The following SMCHD1 variants were observed in gnomAD, a reference collection of about 807,000 sequenced individuals.
SMCHD1 encodes structural maintenance of chromosomes flexible hinge domain containing 1, also known as structural maintenance of chromosomes flexible hinge domain-containing protein 1.
In SMCHD1, 78 loss-of-function variants were observed where a neutral mutation model predicts 254.7. The observed-to-expected ratio is 0.31, with a 90% confidence interval of 0.26 to 0.37. SMCHD1 has a LOEUF of 0.37. SMCHD1 is among the 10% of genes least tolerant of loss of function. The pLI, the probability that SMCHD1 is intolerant of heterozygous loss-of-function variation, is 1.00. For missense variants in SMCHD1, 1,840 were observed against 2,408.1 expected (o/e 0.76, Z 4.94); for synonymous variants, 766 against 794.9 (o/e 0.96, Z 0.61).
chr18:2,677,114 C>T lies in SMCHD1; in HGVS notation c.638+2969C>T, dbSNP rs1415388300. On this transcript the variant is annotated intron_variant, in intron 5 of 47. Transcript: ENST00000320876. ...AACCTGGATCTGAGTGTTTCCTCAG[C>T]ATTGTTTTTTTTCCTTTAGTATTTT... Among the ~76,000 whole-genome samples, 6 of 147,310 alleles carry T rather than the reference C, an allele frequency of 4.1e-5. No homozygotes were observed. The Admixed American group carries it at 4.2e-4, about 10-fold the overall frequency.
rs1308921677 is a variant in SMCHD1 at position 2,718,761 on chromosome 18, T to C, written c.2458+327T>C. 1.3e-5 allele frequency among the ~76,000 whole-genome samples: 2 copies of C among 152,086 alleles called. No individual in the cohort carries two copies. The highest frequency in any genetic ancestry group is 4.8e-5 in the African/African-American group (2 of 41,406). ...AAAGACAAAGTTTCGCCATGTTGAC[T>C]AGGCTGGTCTCGATCTCATAACTTC... is the stretch of plus-strand genomic sequence containing the variant. On this transcript the variant is annotated intron_variant, in intron 19 of 47. Coordinates refer to ENST00000320876, the MANE Select transcript of SMCHD1 (RefSeq NM_015295.3). The surrounding 1 kb of genome is among the most constrained non-coding windows in gnomAD (Gnocchi z 4.6).
At chr18:2,723,275 A>G (rs529654841) in intron 20 of SMCHD1, among the ~76,000 whole-genome samples, 1 of 152,108 alleles carries the variant, frequency 6.6e-6, no homozygotes, top group African/African-American at 2.4e-5. Flanking sequence ...GGGTTTTTTT[A>G]AAAGCTTTCT....
chr18:2,661,725 A>C (rs1246627184), intron 1 of SMCHD1, among the ~76,000 whole-genome samples: 1 of 152,244 alleles, frequency 6.6e-6, no homozygotes, highest in Non-Finnish European at 1.5e-5. Flanking sequence ...TGTTTGAAGA[A>C]GAGAATAAGG....
At chr18:2,769,645 A>G (rs1161915983) in intron 37 of SMCHD1, 49 bp from the exon 38 acceptor site, 1 of 1,542,348 alleles carries the variant, frequency 6.5e-7, no homozygotes, top group African/African-American at 1.4e-5. Flanking sequence ...TATGTTGTAA[A>G]TTTTCTTTTT....
At chr18:2,667,448 C>G (rs1229643489) in intron 3 of SMCHD1, among the ~76,000 whole-genome samples, 1 of 152,192 alleles carries the variant, frequency 6.6e-6, no homozygotes, top group Non-Finnish European at 1.5e-5. Context: ...TCATTTCTTT[C>G]TACCTTTACT....
intron 1 of SMCHD1, among the ~76,000 whole-genome samples, chr18:2,659,888 C>T (rs1372523602): frequency 1.3e-5 from 2 of 151,972 alleles, no homozygotes; most frequent in African/African-American, 4.8e-5. Context: ...GCTAATTAAG[C>T]TGTGTGCTTT....
At chr18:2,797,943 T>G (rs1284261272) in intron 47 of SMCHD1, among the ~76,000 whole-genome samples, 1 of 151,326 alleles carries the variant, frequency 6.6e-6, no homozygotes, top group Non-Finnish European at 1.5e-5. Flanking sequence ...AAATAGGGAA[T>G]GAAAAAATGA....
chr18:2,733,171 A>G (rs987095083), intron 25 of SMCHD1, among the ~76,000 whole-genome samples: 1 of 152,180 alleles, frequency 6.6e-6, no homozygotes, highest in Admixed American at 6.5e-5. Context: ...TGCTTCTTTC[A>G]AAGTTCAGTT....
intron 45 of SMCHD1, among the ~76,000 whole-genome samples, chr18:2,789,071 G>GTGCA (rs1432881654): frequency 6.6e-6 from 1 of 152,164 alleles, no homozygotes; most frequent in African/African-American, 2.4e-5. Context: ...CCAGGCTGGA[G>GTGCA]TGCAGTGGCA....
chr18:2,734,000 G>GT (rs2075197973), intron 25 of SMCHD1, among the ~76,000 whole-genome samples: 1 of 152,222 alleles, frequency 6.6e-6, no homozygotes, highest in East Asian at 1.9e-4. Flanking sequence ...TTCCATACCG[G>GT]TATACACCAT....
At chr18:2,770,838 C>T (rs552319874) in intron 39 of SMCHD1, among the ~76,000 whole-genome samples, 60 of 152,202 alleles carry the variant, frequency 3.9e-4, no homozygotes, top group African/African-American at 1.4e-3. Context: ...CCGGGCTGGT[C>T]TCGAACTTCT....
intron 44 of SMCHD1, among the ~76,000 whole-genome samples, chr18:2,780,068 G>A (rs1028759561): frequency 4.0e-5 from 6 of 151,538 alleles, no homozygotes; most frequent in East Asian, 1.9e-4. Context: ...GTGAAATCCC[G>A]TCTCTACTAA....
intron 6 of SMCHD1, 30 bp downstream of exon 6, chr18:2,688,538 G>T: frequency 6.3e-7 from 1 of 1,599,218 alleles, no homozygotes; most frequent in South Asian, 1.1e-5. Flanking sequence ...ATAAATGAAA[G>T]TTGATCAAAA....
At chr18:2,720,690 G>A (rs1010789831) in intron 19 of SMCHD1, among the ~76,000 whole-genome samples, 16 of 152,114 alleles carry the variant, frequency 1.1e-4, no homozygotes, top group African/African-American at 3.9e-4. Context: ...GTTTGTAGGG[G>A]GGCGGTCCTC....
At chr18:2,762,351 G>T in intron 36 of SMCHD1, 115 bp downstream of exon 36, 2 of 879,900 alleles carry the variant, frequency 2.3e-6, no homozygotes, top group South Asian at 1.9e-5. Context: ...AGGTTATAGG[G>T]AAAACTTGTG....
chr18:2,661,155 ACAT>A (rs1317750633), intron 1 of SMCHD1, among the ~76,000 whole-genome samples: 1 of 152,194 alleles, frequency 6.6e-6, no homozygotes, highest in East Asian at 1.9e-4. Context: ...AGGGCGGGGA[ACAT>A]CACACACAGG....
rs117088828 is a variant in SMCHD1, at chr18:2,754,815, C to T, written c.4346+2263C>T. On this transcript the variant is annotated intron_variant, in intron 34 of 47. Coordinates refer to ENST00000320876, the MANE Select transcript of SMCHD1 (RefSeq NM_015295.3). ...GCTGTGTTCTTTTTATACAGTTATA[C>T]GTGGAATTGATTTTTTTTTTTTTTA... Among the ~76,000 whole-genome samples, 344 of 142,302 alleles carry T rather than the reference C, an allele frequency of 2.4e-3. 2 individuals carry two copies. Among genetic ancestry groups the T allele is most frequent in the Non-Finnish European group, 3.7e-3 (246 of 65,680 alleles). 93.4% of individuals were successfully genotyped at this position (142,302 alleles called of 152,430 possible).
At position 2,728,141 on chromosome 18, in the gene SMCHD1, T is replaced by C. The variant is rs565440729; in HGVS notation, c.2774-316T>C. 3.3e-5 allele frequency among the ~76,000 whole-genome samples: 5 copies of C among 152,174 alleles called. No individual in the cohort carries two copies. The South Asian group carries it at 1.0e-3, about 32-fold the overall frequency. The stretch of plus-strand genomic sequence containing the variant: ...AGTTTTAATAAGCTGTTATTTTTGT[T>C]TTTGAATACCTTTTTCCCAGTATCT... On this transcript the variant is annotated intron_variant, in intron 22 of 47. Transcript: ENST00000320876.
At chr18:2,697,450 T>A (rs2074308803) in intron 9 of SMCHD1, among the ~76,000 whole-genome samples, 1 of 152,198 alleles carries the variant, frequency 6.6e-6, no homozygotes, top group South Asian at 2.1e-4. Context: ...AGTTATATCG[T>A]GGTGACAAGG....
Sources: gnomAD v4.1 joint callset for allele counts (sites outside exome capture counted in the v4.1 genomes callset) on GRCh38, gnomAD v4.1.1 for gene constraint, Gnocchi (gnomAD v3.1) non-coding constraint, MANE v1.5 for transcripts, NCBI Gene and HGNC (gene_info 2026-07-23, HGNC 2026-07-21) for gene names.